HADHB: variants seen among roughly 807,000 people sequenced by gnomAD.
The protein encoded by HADHB is hydroxyacyl-CoA dehydrogenase trifunctional multienzyme complex subunit beta.
A neutral mutation model predicts 61.9 loss-of-function variants in HADHB; 50 were observed. The ratio of observed to expected loss-of-function variants is 0.81; its 90% CI spans 0.64 to 1.02. HADHB has a LOEUF of 1.02. Ranked by LOEUF, HADHB falls within the 50% of genes least tolerant of loss-of-function variation. The probability of loss-of-function intolerance (pLI) is 0.00; values close to 1 mark genes in which losing one functional copy is unlikely to be tolerated. For missense variants in HADHB, 504 were observed against 586.5 expected, an observed-to-expected ratio of 0.86 and a Z score of 1.45; for synonymous variants, 191 against 201.6, an observed-to-expected ratio of 0.95 and a Z score of 0.45.
At position 26,248,598 on chromosome 2, in the gene HADHB, T is replaced by C. The variant is rs79779108; in HGVS notation, c.-9+3608T>C. Among the ~76,000 whole-genome samples, 33 of 152,362 alleles carry C rather than the reference T, an allele frequency of 2.2e-4. 2 individuals carry two copies. In the East Asian group the frequency reaches 6.2e-3, roughly 28 times the overall value. Reference sequence around the variant, plus strand: ...AAATTCTGATCTATAACTACAAAATTGTCATCCCAAAAGGCCTTAGCATTT... The same window carrying C: ...AAATTCTGATCTATAACTACAAAATCGTCATCCCAAAAGGCCTTAGCATTT... On this transcript the variant is annotated intron_variant, in intron 1 of 15. Transcript: ENST00000317799.
intron 7 of HADHB, 127 bp downstream of exon 7, chr2:26,277,287 G>C: frequency 1.7e-6 from 1 of 592,916 alleles, no homozygotes; most frequent in Non-Finnish European, 3.0e-6. Flanking sequence ...ACTCAGGCTG[G>C]AGTGCAGTGG....
At chr2:26,273,421 C>CT (rs1272115735) in intron 5 of HADHB, among the ~76,000 whole-genome samples, 6 of 152,088 alleles carry the variant, frequency 3.9e-5, no homozygotes, top group African/African-American at 1.4e-4. Context: ...TTTTTATTCT[C>CT]TAACTTCTCA....
At chr2:26,253,199 G>A (rs1355636069) in intron 1 of HADHB, among the ~76,000 whole-genome samples, 2 of 151,840 alleles carry the variant, frequency 1.3e-5, no homozygotes, top group Admixed American at 6.6e-5. Flanking sequence ...GGAGGGGTGG[G>A]GGAAAGTTGT....
intron 3 of HADHB, among the ~76,000 whole-genome samples, chr2:26,259,870 C>A (rs1255539038): frequency 6.6e-6 from 1 of 151,930 alleles, no homozygotes; most frequent in Non-Finnish European, 1.5e-5. Context: ...AAAAAAGGGG[C>A]CAGGCAGATG....
chr2:26,246,398 A>C (rs935355701), intron 1 of HADHB, among the ~76,000 whole-genome samples: 1 of 149,948 alleles, frequency 6.7e-6, no homozygotes, highest in Admixed American at 6.7e-5. Context: ...GCTGGAGTGC[A>C]GTGGCGCGAT....
At chr2:26,280,820 A>G (rs1672755989) in intron 10 of HADHB, among the ~76,000 whole-genome samples, 2 of 126,018 alleles carry the variant, frequency 1.6e-5, no homozygotes, top group African/African-American at 6.1e-5. Context: ...GCACCATTGC[A>G]CTCCAGCCTG....
chr2:26,287,790 G>A (rs1673097093), intron 15 of HADHB, among the ~76,000 whole-genome samples: 1 of 152,114 alleles, frequency 6.6e-6, no homozygotes, highest in East Asian at 1.9e-4. Flanking sequence ...CTTTGTTTTG[G>A]GGGGCTGTGT....
At chr2:26,287,119 G>A (rs1008664059) in intron 15 of HADHB, among the ~76,000 whole-genome samples, 7 of 152,070 alleles carry the variant, frequency 4.6e-5, no homozygotes, top group South Asian at 2.1e-4. Flanking sequence ...CAGGGGAATC[G>A]CTTGAACCCG....
rs1672969560 is a variant in HADHB, at chr2:26,285,051, T to G, written c.1224+94T>G. On this transcript the variant is annotated intron_variant, in intron 14 of 15. Transcript: ENST00000317799. ...TTCTTAAGAATATGAAGGGAAAGCT[T>G]CTCTTTCTTTTGAAGAATTTTGTCT... is the stretch of plus-strand genomic sequence containing the variant. The G allele has an allele frequency of 4.0e-6, 3 of 754,106 alleles. No individual in the cohort carries two copies. In the East Asian group the frequency reaches 7.4e-5, roughly 19 times the overall value. The allele number at this position is 754,106 out of a possible 1,614,324, so 46.7% of individuals were successfully genotyped here.
intron 3 of HADHB, among the ~76,000 whole-genome samples, chr2:26,258,400 C>T (rs1401945685): frequency 2.0e-5 from 3 of 152,276 alleles, no homozygotes; most frequent in South Asian, 2.1e-4. Context: ...GGAAGAGAAT[C>T]GTGGAACCCA....
At chr2:26,257,876 G>T (rs573767444) in intron 3 of HADHB, among the ~76,000 whole-genome samples, 3 of 151,902 alleles carry the variant, frequency 2.0e-5, no homozygotes, top group African/African-American at 7.3e-5. Context: ...AAAATTAGCC[G>T]GGCGTGGTGG....
intron 1 of HADHB, among the ~76,000 whole-genome samples, chr2:26,247,230 T>C (rs897153928): frequency 6.6e-6 from 1 of 152,188 alleles, no homozygotes; most frequent in Non-Finnish European, 1.5e-5. Context: ...CCTAACCAAC[T>C]CGATCCTACC....
chr2:26,249,871 G>A lies in HADHB; in HGVS notation c.-8-4376G>A, dbSNP rs552868691. Among the ~76,000 whole-genome samples the A allele has an allele frequency of 1.1e-4, 17 of 152,130 alleles. No homozygotes were observed. In the East Asian group the frequency reaches 3.3e-3, roughly 29 times the overall value. ...TCAATGATCTTGGCAGAGAGAATGA[G>A]ATTATTCTGATTGGTTTAAACCCTG... On this transcript the variant is annotated intron_variant, in intron 1 of 15. Transcript: ENST00000317799.
At chr2:26,279,531 C>T (rs1672698972) in intron 9 of HADHB, among the ~76,000 whole-genome samples, 1 of 151,660 alleles carries the variant, frequency 6.6e-6, no homozygotes, top group Admixed American at 6.6e-5. Flanking sequence ...GATCTGAGCA[C>T]TAATCTCAGC....
At chr2:26,267,476 C>G (rs1672134977) in intron 4 of HADHB, among the ~76,000 whole-genome samples, 2 of 152,044 alleles carry the variant, frequency 1.3e-5, no homozygotes. Context: ...AAGAATAAAA[C>G]AAATGCCTAC....
At chr2:26,285,830 C>T (rs887277390) in intron 15 of HADHB, among the ~76,000 whole-genome samples, 2 of 145,054 alleles carry the variant, frequency 1.4e-5, no homozygotes. Flanking sequence ...CTCCACTTCC[C>T]GGATTCAGGT....
At chr2:26,286,925 C>T (rs564040166) in intron 15 of HADHB, among the ~76,000 whole-genome samples, 22 of 149,852 alleles carry the variant, frequency 1.5e-4, no homozygotes, top group Admixed American at 4.0e-4. Context: ...ATAAACTGGC[C>T]GGGTGCAGTG....
At chr2:26,266,747 G>A (rs1251193471) in intron 4 of HADHB, among the ~76,000 whole-genome samples, 1 of 151,622 alleles carries the variant, frequency 6.6e-6, no homozygotes, top group Non-Finnish European at 1.5e-5. Context: ...AGGCATGGTG[G>A]CGTGCACCTG....
At chr2:26,262,425 A>G (rs923038199) in intron 3 of HADHB, among the ~76,000 whole-genome samples, 1 of 152,232 alleles carries the variant, frequency 6.6e-6, no homozygotes, top group Non-Finnish European at 1.5e-5. Context: ...AAGTATATAC[A>G]CCAAATAAAC....
Sources: allele counts gnomAD v4.1 joint callset (sites outside exome capture counted in the v4.1 genomes callset), GRCh38; gene constraint gnomAD v4.1.1; transcripts MANE v1.5; gene names NCBI Gene and HGNC (gene_info 2026-07-23, HGNC 2026-07-21).